KLHL22: variants seen among roughly 807,000 people sequenced by gnomAD.
The protein encoded by KLHL22 is kelch like family member 22, also known as kelch-like protein 22.
In KLHL22, 18 loss-of-function variants were observed where a neutral mutation model predicts 60.7. The observed-to-expected ratio is 0.30, with a 90% CI of 0.20 to 0.44. The LOEUF is 0.44. Ranked by LOEUF, KLHL22 falls within the 20% of genes least tolerant of loss-of-function variation. KLHL22 has a pLI of 1.00. For synonymous variants in KLHL22, 355 were observed against 354.5 expected, an observed-to-expected ratio of 1.00 and a Z score of -0.01; for missense variants, 596 against 852.3, an observed-to-expected ratio of 0.70 and a Z score of 3.74.
chr22:20,483,896 A>T, intron 2 of KLHL22: 1 of 688,302 alleles, frequency 1.5e-6, no homozygotes, highest in South Asian at 1.5e-5. Flanking sequence ...TTCCTGCCAG[A>T]TCCCCAGCCA....
At chr22:20,476,930 CT>C (rs535051927) in intron 2 of KLHL22, among the ~76,000 whole-genome samples, 322 of 149,848 alleles carry the variant, frequency 2.1e-3, no homozygotes, top group African/African-American at 7.6e-3. Context: ...TGGTCTCGAA[CT>C]CCTGACCTGA....
chr22:20,489,892 C>A, intron 1 of KLHL22: 1 of 429,436 alleles, frequency 2.3e-6, no homozygotes, highest in Non-Finnish European at 4.8e-6. Context: ...TGTGATTGAA[C>A]CTGATGCATT....
rs1416013780 is a variant in KLHL22, at chr22:20,457,884, T to C, written c.1229A>G (p.His410Arg). 10 of 1,612,490 alleles carry C rather than the reference T, an allele frequency of 6.2e-6. No individual in the cohort carries two copies. Among genetic ancestry groups the C allele is most frequent in the Non-Finnish European group, 8.5e-6 (10 of 1,179,410 alleles). Residue 410 changes from histidine (H) to arginine (R), a missense_variant, in exon 5 of 7, where the codon CAC becomes CGC. Transcript: ENST00000328879. ...YIYAVAGRDYHNDLNAVERYD... is the reference protein window; with the variant it reads ...YIYAVAGRDYRNDLNAVERYD... ...GCGCTCCACAGCATTCAGGTCATTG[T>C]GGTAGTCACGGCCCGCCACAGCGTA... is the stretch of plus-strand genomic sequence containing the variant.
intron 2 of KLHL22, chr22:20,483,469 A>C: frequency 1.3e-6 from 1 of 751,284 alleles, no homozygotes; most frequent in Non-Finnish European, 2.5e-6. Flanking sequence ...GTTCTTCTTC[A>C]TGAAGAGCAG....
chr22:20,445,208 A>ATTTT (rs57956195), intron 6 of KLHL22, among the ~76,000 whole-genome samples: 2 of 120,460 alleles, frequency 1.7e-5, no homozygotes, highest in African/African-American at 6.3e-5. Flanking sequence ...ACCCTTCTCT[A>ATTTT]TTTTTTTTTT....
chr22:20,493,162 G>C lies in KLHL22; in HGVS notation c.-34+2598C>G, dbSNP rs146652307. 263 of 471,266 alleles carry C rather than the reference G, an allele frequency of 5.6e-4. 5 individuals are homozygous for C. The East Asian group carries it at 0.012, about 22-fold the overall frequency. The allele number at this position is 471,266 out of a possible 1,614,324, so 29.2% of individuals were successfully genotyped here. Reference sequence around the variant, plus strand: ...TGGATCCTCACCTTCCGTGAGCATAGTAGTGCCTCTGCTCTCTTGGGAAGG... The same window carrying C: ...TGGATCCTCACCTTCCGTGAGCATACTAGTGCCTCTGCTCTCTTGGGAAGG... On this transcript the variant is annotated intron_variant, in intron 1 of 6. Coordinates refer to ENST00000328879, the MANE Select transcript of KLHL22 (RefSeq NM_032775.4).
At chr22:20,454,317 A>C (rs2053028777) in intron 5 of KLHL22, among the ~76,000 whole-genome samples, 1 of 152,098 alleles carries the variant, frequency 6.6e-6, no homozygotes, top group African/African-American at 2.4e-5. Context: ...TGACAGAGCG[A>C]GACTCTGTCT....
chr22:20,486,444 A>G (rs1485709857), intron 2 of KLHL22, among the ~76,000 whole-genome samples: 1 of 152,092 alleles, frequency 6.6e-6, no homozygotes, highest in Non-Finnish European at 1.5e-5. Context: ...CACTGGGTGC[A>G]TCGTCCCACA....
intron 2 of KLHL22, among the ~76,000 whole-genome samples, chr22:20,474,763 A>G (rs80133717): frequency 2.3e-3 from 352 of 152,370 alleles, no homozygotes; most frequent in African/African-American, 7.6e-3. Context: ...GTTATTTCAC[A>G]TGATGAACAT....
chr22:20,461,646 T>A (rs2053157803), intron 4 of KLHL22, among the ~76,000 whole-genome samples: 1 of 151,970 alleles, frequency 6.6e-6, no homozygotes, highest in Non-Finnish European at 1.5e-5. Context: ...TTTTAATGTC[T>A]ATTAAATTTT....
chr22:20,457,387 G>T (rs361573), intron 5 of KLHL22, among the ~76,000 whole-genome samples: 96,976 of 151,962 alleles, frequency 0.64, 31,131 homozygotes, highest in Admixed American at 0.75. Flanking sequence ...AGAGGGAAGA[G>T]GTCTGAGGAT....
At chr22:20,483,186 T>C in intron 2 of KLHL22, 1 of 641,348 alleles carries the variant, frequency 1.6e-6, no homozygotes, top group South Asian at 1.6e-5. Context: ...TCCAGGTTGA[T>C]CTCCAAGGAC....
At chr22:20,477,233 A>C (rs2053429613) in intron 2 of KLHL22, among the ~76,000 whole-genome samples, 1 of 151,684 alleles carries the variant, frequency 6.6e-6, no homozygotes, top group African/African-American at 2.4e-5. Context: ...TCTCTACTAA[A>C]AGTACAAAAA....
At chr22:20,466,372 TAAAAAAAAAAAAA>T (rs361874) in intron 3 of KLHL22, among the ~76,000 whole-genome samples, 3 of 70,604 alleles carry the variant, frequency 4.2e-5, no homozygotes, top group African/African-American at 5.6e-5. Flanking sequence ...AGACTCCGTC[TAAAAAAAAAAAAA>T]AAAAAAAAAA....
At chr22:20,473,625 C>T (rs192915415) in intron 2 of KLHL22, among the ~76,000 whole-genome samples, 1 of 152,306 alleles carries the variant, frequency 6.6e-6, no homozygotes, top group African/African-American at 2.4e-5. Context: ...CCTGTAATCC[C>T]AGGACTTTGG....
chr22:20,466,452 A>G (rs1296566256), intron 3 of KLHL22, among the ~76,000 whole-genome samples: 1 of 150,004 alleles, frequency 6.7e-6, no homozygotes. Context: ...ACTGTGTCAT[A>G]TATCTGTGGT....
chr22:20,484,167 A>C (rs373329566), intron 2 of KLHL22: 13 of 586,772 alleles, frequency 2.2e-5, no homozygotes, highest in African/African-American at 1.1e-4. Flanking sequence ...TAATTTTTGT[A>C]TTTTTAGTAG....
At chr22:20,458,076 G>T (rs2053092381) in intron 4 of KLHL22, 76 bp from the exon 5 acceptor site, 1 of 1,519,690 alleles carries the variant, frequency 6.6e-7, no homozygotes, top group Non-Finnish European at 8.9e-7. Flanking sequence ...CTCTTGTTCT[G>T]GTCCCATTTC....
chr22:20,469,941 C>T (rs982351322), intron 3 of KLHL22, among the ~76,000 whole-genome samples: 1 of 152,084 alleles, frequency 6.6e-6, no homozygotes, highest in African/African-American at 2.4e-5. Flanking sequence ...GGCCCAGTCC[C>T]GTGTAACTGC....
Sources: gnomAD v4.1 joint callset for allele counts (sites outside exome capture counted in the v4.1 genomes callset) on GRCh38, gnomAD v4.1.1 for gene constraint, MANE v1.5 for transcripts, NCBI Gene and HGNC (gene_info 2026-07-23, HGNC 2026-07-21) for gene names.